Variants in ZNF730 observed in about 807,000 individuals in gnomAD.
ZNF730 encodes the protein zinc finger protein 730.
In ZNF730, 12 loss-of-function variants were observed where a neutral mutation model predicts 12.6. That is an observed-to-expected ratio of 0.95 (90% CI 0.61 to 1.54). The LOEUF is 1.54. ZNF730 is among the 40% of genes most tolerant of loss of function. ZNF730 has a pLI of 0.00. For synonymous variants in ZNF730, 194 were observed against 195.8 expected (o/e 0.99, Z 0.08); for missense variants, 643 against 583.5 (o/e 1.10, Z -1.05).
rs1970828829 is a variant in ZNF730, at chr19:23,136,106, AAAAC to A, written c.226+64_226+67del. On this transcript the variant is annotated intron_variant, in intron 3 of 3. Transcript: ENST00000597761. Reference sequence around the variant, plus strand: ...AGATCTATAGTTTAAAAAAAGAAAAAAAACCAGTTTTTAAAATAATTTGGGAAGC... The same window carrying A: ...AGATCTATAGTTTAAAAAAAGAAAAACAGTTTTTAAAATAATTTGGGAAGC... 5 of 1,226,238 alleles carry A rather than the reference AAAAC, an allele frequency of 4.1e-6. No homozygotes were observed. In the African/African-American group the frequency reaches 6.3e-5, roughly 15 times the overall value. The allele number at this position is 1,226,238 out of a possible 1,614,324, so 76.0% of individuals were successfully genotyped here.
At chr19:23,141,219 C>T (rs1042156356) in intron 3 of ZNF730, among the ~76,000 whole-genome samples, 1 of 151,788 alleles carries the variant, frequency 6.6e-6, no homozygotes, top group Non-Finnish European at 1.5e-5. Flanking sequence ...ACGGTGAAAC[C>T]CCGTCTATAC....
chr19:23,091,589 G>T (rs1676466), intron 1 of ZNF730, among the ~76,000 whole-genome samples: 1 of 152,038 alleles, frequency 6.6e-6, no homozygotes, highest in Admixed American at 6.5e-5. Context: ...TTGCATCAGC[G>T]TGACCTGGAT....
intron 1 of ZNF730, among the ~76,000 whole-genome samples, chr19:23,110,814 G>A (rs1043382105): frequency 2.0e-5 from 3 of 152,182 alleles, no homozygotes; most frequent in Non-Finnish European, 2.9e-5. Flanking sequence ...GCTAACCCAA[G>A]CAAAACAAAG....
intron 1 of ZNF730, 25 bp from the exon 2 acceptor site, chr19:23,134,055 A>T (rs899300432): frequency 1.2e-6 from 2 of 1,611,036 alleles, no homozygotes; most frequent in Non-Finnish European, 1.7e-6. Flanking sequence ...CTTGGTAAAT[A>T]TGTGTGTTTG....
At chr19:23,141,390 G>A (rs375052770) in intron 3 of ZNF730, among the ~76,000 whole-genome samples, 40 of 147,220 alleles carry the variant, frequency 2.7e-4, no homozygotes, top group African/African-American at 7.4e-4. Context: ...ATGAGACTCC[G>A]TCTCAAAAAA....
chr19:23,115,594 A>T (rs1283486823), upstream of ZNF730, among the ~76,000 whole-genome samples: 1 of 152,178 alleles, frequency 6.6e-6, no homozygotes, highest in Non-Finnish European at 1.5e-5. Flanking sequence ...TGCCCTCTCC[A>T]TGAACAAAGC....
Position 23,107,463 on chromosome 19 carries a change from A to C in ZNF730, c.-93-26617A>C, listed in dbSNP as rs868153311. 2.0e-3 allele frequency among the ~76,000 whole-genome samples: 292 copies of C among 147,520 alleles called. 1 individual carries two copies. Among genetic ancestry groups the C allele is most frequent in the South Asian group, 0.014 (63 of 4,666 alleles). ...AAAAAAAATACCAAAAAAAAAAAAA[A>C]AAAAAAAAAAAACCACCACAGCTCT... On this transcript the variant is annotated intron_variant, in intron 1 of 2. Coordinates refer to the ZNF730 transcript ENST00000593635.
intron 1 of ZNF730, among the ~76,000 whole-genome samples, chr19:23,085,782 A>ATGAT (rs1391135981): frequency 7.3e-6 from 1 of 137,560 alleles, no homozygotes; most frequent in Non-Finnish European, 1.5e-5. Flanking sequence ...TCCAAAAGTG[A>ATGAT]TGATTACTGA....
At chr19:23,097,179 C>A (rs142702404) in intron 1 of ZNF730, among the ~76,000 whole-genome samples, 178 of 152,286 alleles carry the variant, frequency 1.2e-3, no homozygotes, top group Non-Finnish European at 2.1e-3. Context: ...TATCACTGGG[C>A]CCAACAGCAA....
chr19:23,124,505 C>G (rs2145620318), intron 1 of ZNF730, among the ~76,000 whole-genome samples: 1 of 152,300 alleles, frequency 6.6e-6, no homozygotes, highest in East Asian at 1.9e-4. Context: ...CAGCCTGAGT[C>G]TCTCCTGCCT....
chr19:23,097,082 A>G (rs774989593), intron 1 of ZNF730, among the ~76,000 whole-genome samples: 8 of 152,130 alleles, frequency 5.3e-5, no homozygotes, highest in South Asian at 2.1e-4. Context: ...TCATTGACAT[A>G]TCTCTGCATC....
chr19:23,146,123 T>TAAC lies in ZNF730; in HGVS notation c.1080_1082dup (p.Thr361dup), dbSNP rs1317741885. 3.1e-6 allele frequency: 5 copies of TAAC among 1,608,396 alleles called. No homozygotes were observed. The highest frequency in any genetic ancestry group is 4.2e-6 in the Non-Finnish European group (5 of 1,177,428). ...TCCTCAACCCTTAATAGACATAAGA[T>TAAC]AACTCATACTGGAGGGAAACCCTAC... On this transcript the variant is annotated inframe_insertion, in exon 4 of 4. Coordinates refer to ENST00000597761, the MANE Select transcript of ZNF730 (RefSeq NM_001277403.2).
intron 1 of ZNF730, among the ~76,000 whole-genome samples, chr19:23,079,216 G>A (rs562316123): frequency 2.0e-5 from 3 of 152,002 alleles, no homozygotes; most frequent in African/African-American, 4.8e-5. Flanking sequence ...AGAGCGCAGC[G>A]GTGCGACCTT....
upstream of ZNF730, among the ~76,000 whole-genome samples, chr19:23,114,347 CCCAGGCTGGAGTGCAGTGGA>C (rs1970492201): frequency 8.4e-6 from 1 of 118,466 alleles, no homozygotes; most frequent in Non-Finnish European, 1.6e-5. Context: ...CGCTTTGTCA[CCCAGGCTGGAGTGCAGTGGA>C]GCGATCTCGG....
intron 1 of ZNF730, chr19:23,126,997 G>GA (rs1313051948): frequency 2.0e-6 from 1 of 504,404 alleles, no homozygotes; most frequent in African/African-American, 2.0e-5. Context: ...GAAACTTTGA[G>GA]AAAAAACTTG....
rs765485831 is a variant in ZNF730 at position 23,135,976 on chromosome 19, C to G, written c.159C>G (p.Ile53Met). Residue 53 changes from isoleucine to methionine, a missense_variant, in exon 3 of 4, where the codon ATC (isoleucine) becomes ATG (methionine). Physicochemically the swap from Ile to Met is conservative, Grantham distance 10. Coordinates refer to ENST00000597761, the MANE Select transcript of ZNF730 (RefSeq NM_001277403.2). Reference sequence around the variant, plus strand: ...TTGCTGTCTCAAAGCCAGACCTGATCACCTGTCTGGAGCAAGAAAAAGAGC... The same window carrying G: ...TTGCTGTCTCAAAGCCAGACCTGATGACCTGTCTGGAGCAAGAAAAAGAGC... Reference protein sequence around the residue: ...LGIAVSKPDLITCLEQEKEPW... With the variant: ...LGIAVSKPDLMTCLEQEKEPW... 6.2e-7 allele frequency: 1 copy of G among 1,609,540 alleles called. No individual in the cohort carries two copies. The highest frequency in any genetic ancestry group is 8.5e-7 in the Non-Finnish European group (1 of 1,178,022).
rs750537685 is a variant in ZNF730 at position 23,134,112 on chromosome 19, A to G, written c.36A>G (p.Glu12=). Residue 12 remains glutamate, a synonymous_variant, in exon 2 of 4, where the codon GAA becomes GAG. Transcript: ENST00000597761. ...GALTFRDVAI[E]FSLEEWQCLD... ...TGACATTTAGAGATGTGGCCATAGA[A>G]TTCTCTCTGGAGGAGTGGCAATGTC... The G allele has an allele frequency of 6.2e-7, 1 of 1,613,410 alleles. No individual in the cohort carries two copies. Among genetic ancestry groups the G allele is most frequent in the African/African-American group, 1.3e-5 (1 of 74,918 alleles).
upstream of ZNF730, among the ~76,000 whole-genome samples, chr19:23,116,378 TC>T (rs1970523480): frequency 6.7e-6 from 1 of 148,574 alleles, no homozygotes; most frequent in African/African-American, 2.6e-5. Flanking sequence ...TTTCTTTCTT[TC>T]TTTTTCTCTC....
At chr19:23,134,706 G>A (rs1321775261) in intron 2 of ZNF730, among the ~76,000 whole-genome samples, 37 of 142,900 alleles carry the variant, frequency 2.6e-4, no homozygotes, top group Non-Finnish European at 4.6e-4. Context: ...GCCCGGCCAC[G>A]ACCCCGTCTG....
Sources: gnomAD v4.1 joint callset for allele counts (sites outside exome capture counted in the v4.1 genomes callset) on GRCh38, gnomAD v4.1.1 for gene constraint, MANE v1.5 for transcripts, NCBI Gene and HGNC (gene_info 2026-07-23, HGNC 2026-07-21) for gene names.